The following TMEM276 variants were observed in gnomAD, a reference collection of about 807,000 sequenced individuals.
TMEM276 encodes transmembrane protein 276.
At chr8:144,464,643 GAA>G in the TMEM276 span, 1 of 1,583,302 alleles carries the variant, frequency 6.3e-7, no homozygotes, top group East Asian at 2.2e-5. Context: ...GAACACGTGG[GAA>G]AAAGAGGCCG....
At chr8:144,464,455 T>C in the TMEM276 span, 3 of 1,612,296 alleles carry the variant, frequency 1.9e-6, no homozygotes, top group Non-Finnish European at 2.5e-6. Context: ...GCGGTCCCCA[T>C]TCACCCAGTG....
chr8:144,466,714 AG>A, the TMEM276 span: 12 of 1,432,210 alleles, frequency 8.4e-6, no homozygotes, highest in Non-Finnish European at 1.1e-5. Context: ...AGGGGCCAGC[AG>A]GCTGCCTGCC....
At chr8:144,464,931 C>T in the TMEM276 span, 12 of 1,605,834 alleles carry the variant, frequency 7.5e-6, no homozygotes, top group East Asian at 6.7e-5. Context: ...TGTACGAGGA[C>T]ACAGATAGGA....
the TMEM276 span, chr8:144,463,888 C>T: frequency 2.9e-6 from 4 of 1,397,004 alleles, no homozygotes; most frequent in South Asian, 3.4e-5. Flanking sequence ...CAACCGTGTC[C>T]AGCCCAGAAT....
the TMEM276 span, chr8:144,463,922 A>T: frequency 1.4e-6 from 2 of 1,438,946 alleles, no homozygotes; most frequent in Non-Finnish European, 1.8e-6. Flanking sequence ...CGTGTCTGGG[A>T]CCCTGTCCCT....
At chr8:144,464,130 C>T in the TMEM276 span, 1 of 1,607,384 alleles carries the variant, frequency 6.2e-7, no homozygotes, top group Non-Finnish European at 8.5e-7. Flanking sequence ...CCAACTGTCA[C>T]TCCCACTGGA....
chr8:144,465,187 A>T, the TMEM276 span: 1 of 1,328,876 alleles, frequency 7.5e-7, no homozygotes, highest in Non-Finnish European at 9.8e-7. Context: ...GGGGCCCTGG[A>T]GCCCAAGTGG....
At chr8:144,464,394 G>A in the TMEM276 span, 1 of 1,563,772 alleles carries the variant, frequency 6.4e-7, no homozygotes, top group Non-Finnish European at 8.6e-7. Context: ...CGAGGTGGCC[G>A]CCAGCCACTG....
chr8:144,464,192 C>T, the TMEM276 span: 1 of 1,613,154 alleles, frequency 6.2e-7, no homozygotes, highest in Non-Finnish European at 8.5e-7. Flanking sequence ...ACAGCCAAGG[C>T]CCAGCGACAG....
chr8:144,463,903 A>C, the TMEM276 span: 1 of 1,403,676 alleles, frequency 7.1e-7, no homozygotes, highest in Non-Finnish European at 9.2e-7. Flanking sequence ...CAGAATCAGG[A>C]CCCCCAAACG....
the TMEM276 span, chr8:144,464,134 C>T: frequency 1.2e-6 from 2 of 1,608,622 alleles, no homozygotes; most frequent in South Asian, 2.2e-5. Context: ...CTGTCACTCC[C>T]ACTGGAGGCG....
At chr8:144,466,393 CG>C in the TMEM276 span, 1 of 1,061,862 alleles carries the variant, frequency 9.4e-7, no homozygotes, top group South Asian at 2.5e-5. Context: ...CGGCGCGAAG[CG>C]GGGCCCTCTG....
At chr8:144,465,482 A>C in the TMEM276 span, 4 of 975,244 alleles carry the variant, frequency 4.1e-6, no homozygotes, top group Non-Finnish European at 4.9e-6. Flanking sequence ...GGGAACCTCC[A>C]CCAGCGAGAG....
At chr8:144,465,549 G>A in the TMEM276 span, 2 of 398,472 alleles carry the variant, frequency 5.0e-6, no homozygotes, top group Non-Finnish European at 6.8e-6. Context: ...GAGGGTCGAG[G>A]CCTGGGGGAG....
At chr8:144,466,688 C>T in the TMEM276 span, 4 of 1,299,442 alleles carry the variant, frequency 3.1e-6, no homozygotes, top group East Asian at 1.1e-4. Flanking sequence ...ATCCTCCGGC[C>T]CGGTTCGCGG....
chr8:144,466,948 C>G, the TMEM276 span: 6 of 1,589,036 alleles, frequency 3.8e-6, no homozygotes, highest in African/African-American at 8.0e-5. Context: ...GCCCTCCTCC[C>G]TGACCGGCAG....
chr8:144,466,427 C>T, the TMEM276 span: 5 of 1,344,266 alleles, frequency 3.7e-6, no homozygotes, highest in Admixed American at 2.7e-5. Flanking sequence ...CCCATGTACG[C>T]CTTTTACTCG....
At chr8:144,464,996 C>T in the TMEM276 span, 6 of 1,549,284 alleles carry the variant, frequency 3.9e-6, no homozygotes, top group African/African-American at 2.7e-5. Context: ...TGGAGCCCTA[C>T]GCGCGGCACT....
the TMEM276 span, chr8:144,466,702 G>C: frequency 7.3e-7 from 1 of 1,375,292 alleles, no homozygotes; most frequent in Non-Finnish European, 9.7e-7. Flanking sequence ...TTCGCGGAGG[G>C]AAGGGGCCAG....
Sources: allele counts gnomAD v4.1 joint callset, GRCh38; gene constraint gnomAD v4.1.1; transcripts MANE v1.5; gene names NCBI Gene and HGNC (gene_info 2026-07-23, HGNC 2026-07-21).